Variants in CDH13 observed in about 807,000 individuals in gnomAD.
CDH13 encodes cadherin 13.
A neutral mutation model predicts 63.8 loss-of-function variants in CDH13; 24 were observed. That is an observed-to-expected ratio of 0.38 (90% CI 0.27 to 0.53). The LOEUF (loss-of-function observed/expected upper bound fraction) is 0.53, where lower values mean the gene tolerates loss of function less well. Ranked by LOEUF, CDH13 falls within the 20% of genes least tolerant of loss-of-function variation. The pLI, the probability that CDH13 is intolerant of heterozygous loss-of-function variation, is 0.85. For synonymous variants in CDH13, 503 were observed against 355.3 expected, an observed-to-expected ratio of 1.42 and a Z score of -4.67; for missense variants, 1,049 against 903.1, an observed-to-expected ratio of 1.16 and a Z score of -2.07.
Position 83,049,719 on chromosome 16 carries a change from A to C in CDH13, c.366+17501A>C, listed in dbSNP as rs984160222. Among the ~76,000 whole-genome samples the C allele has an allele frequency of 6.6e-5, 10 of 152,278 alleles. No homozygotes were observed. In the East Asian group the frequency reaches 1.9e-3, roughly 29 times the overall value. On this transcript the variant is annotated intron_variant, in intron 3 of 13. Transcript: ENST00000567109. ...TTTTAGGGATAAGCAATATTCCTTT[A>C]TGTGGATGGACCACAAATTGTTTAC...
intron 5 of CDH13, among the ~76,000 whole-genome samples, chr16:83,276,849 G>T (rs2089005128): frequency 6.6e-6 from 1 of 152,118 alleles, no homozygotes. Flanking sequence ...CAGCCTGGGT[G>T]ACAGAGTGAG....
intron 6 of CDH13, among the ~76,000 whole-genome samples, chr16:83,383,692 A>T (rs1169664997): frequency 2.0e-5 from 3 of 152,116 alleles, no homozygotes; most frequent in African/African-American, 7.2e-5. Flanking sequence ...ATATTTGGCC[A>T]GGGGGAGCCT....
intron 1 of CDH13, among the ~76,000 whole-genome samples, chr16:82,687,143 T>G (rs1378587954): frequency 6.6e-6 from 1 of 152,154 alleles, no homozygotes; most frequent in Non-Finnish European, 1.5e-5. Flanking sequence ...TTACCTAAGA[T>G]GGAGAGGCCA....
intron 1 of CDH13, among the ~76,000 whole-genome samples, chr16:82,671,566 A>G (rs1336170086): frequency 6.6e-6 from 1 of 152,238 alleles, no homozygotes; most frequent in African/African-American, 2.4e-5. Flanking sequence ...TTACTAACCT[A>G]GTCTTCAGAT....
At chr16:83,656,045 AC>A (rs928807127) in intron 8 of CDH13, among the ~76,000 whole-genome samples, 69 of 152,168 alleles carry the variant, frequency 4.5e-4, no homozygotes, top group African/African-American at 1.6e-3. Flanking sequence ...CTTTTTCATC[AC>A]CCGAGGGGAA....
intron 6 of CDH13, among the ~76,000 whole-genome samples, chr16:83,391,394 C>T (rs537219719): frequency 5.9e-5 from 9 of 152,040 alleles, no homozygotes; most frequent in South Asian, 2.1e-4. Context: ...TTCGTAGAGA[C>T]GGGGTTTCAC....
At chr16:83,603,037 A>T (rs1907996123) in intron 8 of CDH13, among the ~76,000 whole-genome samples, 1 of 152,236 alleles carries the variant, frequency 6.6e-6, no homozygotes, top group Admixed American at 6.5e-5. Flanking sequence ...AGGAGCTTAT[A>T]AATAACAACA....
intron 6 of CDH13, among the ~76,000 whole-genome samples, chr16:83,429,093 A>C (rs1033582863): frequency 1.3e-5 from 2 of 152,208 alleles, no homozygotes; most frequent in Non-Finnish European, 2.9e-5. Context: ...AGATGGCATT[A>C]ATTCATGTGC....
intron 10 of CDH13, among the ~76,000 whole-genome samples, chr16:83,736,990 AG>A (rs1434470881): frequency 6.6e-6 from 1 of 152,186 alleles, no homozygotes; most frequent in African/African-American, 2.4e-5. Flanking sequence ...ATTGTTTGCC[AG>A]GGAAGGCTCG....
At chr16:82,818,663 C>T (rs2037844883) in intron 1 of CDH13, among the ~76,000 whole-genome samples, 1 of 152,120 alleles carries the variant, frequency 6.6e-6, no homozygotes, top group Non-Finnish European at 1.5e-5. Flanking sequence ...GTACCTTTGG[C>T]TTCATAGCTG....
At chr16:83,644,069 A>G (rs907710506) in intron 8 of CDH13, among the ~76,000 whole-genome samples, 1 of 152,236 alleles carries the variant, frequency 6.6e-6, no homozygotes, top group Non-Finnish European at 1.5e-5. Flanking sequence ...AGCTCCAACT[A>G]GTGAAACCCA....
intron 5 of CDH13, among the ~76,000 whole-genome samples, chr16:83,308,918 C>T (rs1206655292): frequency 6.6e-6 from 1 of 152,134 alleles, no homozygotes; most frequent in Non-Finnish European, 1.5e-5. Flanking sequence ...CGGGAAGCCT[C>T]CAAAGAATTC....
chr16:83,053,794 C>A (rs781282171), intron 3 of CDH13, among the ~76,000 whole-genome samples: 2 of 152,040 alleles, frequency 1.3e-5, no homozygotes, highest in African/African-American at 2.4e-5. Context: ...AATTAGGATG[C>A]ATCCAGTAAC....
intron 5 of CDH13, among the ~76,000 whole-genome samples, chr16:83,334,323 T>G (rs1310208112): frequency 7.0e-6 from 1 of 143,822 alleles, no homozygotes; most frequent in African/African-American, 2.6e-5. Flanking sequence ...TCTCCCTATC[T>G]CCCTCTCTCC....
chr16:83,439,888 A>T (rs2072433578), intron 6 of CDH13, among the ~76,000 whole-genome samples: 1 of 152,202 alleles, frequency 6.6e-6, no homozygotes, highest in African/African-American at 2.4e-5. Context: ...CCTTTCTCTA[A>T]CAAAGTCCAA....
chr16:83,322,747 G>T (rs145526945), intron 5 of CDH13, among the ~76,000 whole-genome samples: 10 of 151,930 alleles, frequency 6.6e-5, no homozygotes, highest in Admixed American at 2.6e-4. Flanking sequence ...AGATTCATCC[G>T]GTCTATGACT....
intron 1 of CDH13, among the ~76,000 whole-genome samples, chr16:82,792,527 C>G (rs183258185): frequency 1.3e-5 from 2 of 152,154 alleles, no homozygotes; most frequent in African/African-American, 4.8e-5. Context: ...TATAAGTTCT[C>G]TCCAAGTCAT....
At chr16:83,386,549 C>T (rs191647728) in intron 6 of CDH13, among the ~76,000 whole-genome samples, 1 of 152,118 alleles carries the variant, frequency 6.6e-6, no homozygotes. Context: ...TCCACCTATA[C>T]CCGGATAGTA....
chr16:83,112,283 T>A (rs752761232), intron 3 of CDH13, among the ~76,000 whole-genome samples: 22 of 152,364 alleles, frequency 1.4e-4, no homozygotes, highest in Non-Finnish European at 2.8e-4. Context: ...CCAATCCCGT[T>A]GGCAGGGAAC....
Sources: gnomAD v4.1 joint callset for allele counts (sites outside exome capture counted in the v4.1 genomes callset) on GRCh38, gnomAD v4.1.1 for gene constraint, MANE v1.5 for transcripts, NCBI Gene and HGNC (gene_info 2026-07-23, HGNC 2026-07-21) for gene names.